PRKCE: variants seen among roughly 807,000 people sequenced by gnomAD.
The protein encoded by PRKCE is protein kinase C epsilon, also known as protein kinase C epsilon type.
PRKCE carries 16 observed loss-of-function variants against 85.4 expected under a neutral mutation model. The observed-to-expected ratio is 0.19, with a 90% CI of 0.13 to 0.28. The LOEUF is 0.28. PRKCE is among the 10% of genes least tolerant of loss of function. The pLI is 1.00. For missense variants in PRKCE, 573 were observed against 975.2 expected (o/e 0.59, Z 5.49); for synonymous variants, 388 against 371.5 (o/e 1.04, Z -0.51).
At position 45,853,687 on chromosome 2, in the gene PRKCE, A is replaced by G. The variant is rs143287244; in HGVS notation, c.412+10624A>G. The stretch of plus-strand genomic sequence containing the variant: ...TGCATGACTAAATGAAAATAACAGG[A>G]AAAACTGTCACTTCTAAAGGAAACT... On this transcript the variant is annotated intron_variant, in intron 2 of 14. Coordinates refer to ENST00000306156, the MANE Select transcript of PRKCE (RefSeq NM_005400.3). Among the ~76,000 whole-genome samples, 483 of 152,326 alleles carry G rather than the reference A, an allele frequency of 3.2e-3. 5 individuals are homozygous for G. Among genetic ancestry groups the G allele is most frequent in the African/African-American group, 0.011 (450 of 41,566 alleles).
chr2:45,833,120 C>A, intron 1 of PRKCE, among the ~76,000 whole-genome samples: 1 of 140,332 alleles, frequency 7.1e-6, no homozygotes, highest in African/African-American at 2.7e-5. Flanking sequence ...GAGTTCAAGA[C>A]CAGCCTGGGC....
chr2:45,732,347 T>C (rs1489285698), intron 1 of PRKCE, among the ~76,000 whole-genome samples: 1 of 152,200 alleles, frequency 6.6e-6, no homozygotes, highest in African/African-American at 2.4e-5. Flanking sequence ...TTGGATATGT[T>C]GAGGTTCTTC....
At chr2:45,694,064 G>T (rs145732711) in intron 1 of PRKCE, among the ~76,000 whole-genome samples, 2 of 151,658 alleles carry the variant, frequency 1.3e-5, no homozygotes, top group Admixed American at 6.6e-5. Context: ...CACAGATTTT[G>T]TGGTTATTTA....
At chr2:46,083,799 G>GT (rs944669421) in intron 10 of PRKCE, among the ~76,000 whole-genome samples, 1 of 152,204 alleles carries the variant, frequency 6.6e-6, no homozygotes, top group African/African-American at 2.4e-5. Flanking sequence ...TAATGCACAA[G>GT]TTTAAGAGTC....
intron 2 of PRKCE, among the ~76,000 whole-genome samples, chr2:45,924,722 G>A (rs769758843): frequency 5.6e-4 from 86 of 152,214 alleles, no homozygotes; most frequent in Non-Finnish European, 1.6e-4. Flanking sequence ...TACATTACTG[G>A]CCTACACAGT....
chr2:45,854,349 G>A (rs1692511343), intron 2 of PRKCE, among the ~76,000 whole-genome samples: 2 of 152,186 alleles, frequency 1.3e-5, no homozygotes, highest in Non-Finnish European at 2.9e-5. Context: ...AAAACCCAGT[G>A]TGAAACAGGT....
chr2:46,122,417 C>G (rs1409022160), intron 11 of PRKCE, among the ~76,000 whole-genome samples: 1 of 151,792 alleles, frequency 6.6e-6, no homozygotes, highest in African/African-American at 2.4e-5. Flanking sequence ...TTTTAGTAGA[C>G]GGGGTTTCGC....
intron 10 of PRKCE, among the ~76,000 whole-genome samples, chr2:46,031,714 T>A (rs1477655954): frequency 6.6e-6 from 1 of 151,776 alleles, no homozygotes; most frequent in Non-Finnish European, 1.5e-5. Flanking sequence ...TGAAAGCCAG[T>A]GTGATTACAC....
chr2:46,063,754 ATCCTTACCAGCAAC>A (rs1435715508), intron 10 of PRKCE, among the ~76,000 whole-genome samples: 1 of 152,148 alleles, frequency 6.6e-6, no homozygotes, highest in East Asian at 1.9e-4. Flanking sequence ...TGGGGTAAAA[ATCCTTACCAGCAAC>A]TCCTTACCAG....
chr2:46,036,462 T>C (rs1344178254), intron 10 of PRKCE, among the ~76,000 whole-genome samples: 2 of 152,160 alleles, frequency 1.3e-5, no homozygotes, highest in South Asian at 2.1e-4. Flanking sequence ...TGGTGGTACA[T>C]ACCTGTGGTC....
chr2:45,954,296 T>A (rs918673519), intron 2 of PRKCE, among the ~76,000 whole-genome samples: 2 of 152,090 alleles, frequency 1.3e-5, no homozygotes, highest in Non-Finnish European at 2.9e-5. Context: ...AATATTGGAG[T>A]CAAAAGAATT....
intron 1 of PRKCE, among the ~76,000 whole-genome samples, chr2:45,771,702 CGTGTGTGTGTGTGTGTGTGT>C (rs61209033): frequency 6.8e-6 from 1 of 146,814 alleles, no homozygotes; most frequent in Admixed American, 6.7e-5. Flanking sequence ...CAGAGTGGGG[CGTGTGTGTGTGTGTGTGTGT>C]GTGTGTGTGT....
chr2:46,159,883 C>A lies in PRKCE; in HGVS notation c.2067+131C>A. On this transcript the variant is annotated intron_variant, in intron 14 of 14. Coordinates refer to ENST00000306156, the MANE Select transcript of PRKCE (RefSeq NM_005400.3). This position sits in a 1 kb window ranked among gnomAD's most constrained non-coding sequence, Gnocchi z 4.1. ...TAAAAATGACAAAGACCAGAGGTGG[C>A]TGAGGCTCTCCCTAAGACAATGTCT... is the stretch of plus-strand genomic sequence containing the variant. 1 of 1,188,508 alleles carries A rather than the reference C, an allele frequency of 8.4e-7. No individual in the cohort carries two copies. The highest frequency in any genetic ancestry group is 2.7e-5 in the Admixed American group (1 of 37,626). 73.6% of individuals were successfully genotyped at this position (1,188,508 alleles called of 1,614,324 possible).
At chr2:45,767,557 A>C (rs1685007977) in intron 1 of PRKCE, among the ~76,000 whole-genome samples, 1 of 152,214 alleles carries the variant, frequency 6.6e-6, no homozygotes, top group Non-Finnish European at 1.5e-5. Context: ...TGTAATACTG[A>C]AGGCTTTACA....
rs1191651252 is a variant in PRKCE at position 46,001,959 on chromosome 2, C to G, written c.966+413C>G. On this transcript the variant is annotated intron_variant, in intron 7 of 14. Coordinates refer to ENST00000306156, the MANE Select transcript of PRKCE (RefSeq NM_005400.3). This position sits in a 1 kb window ranked among gnomAD's most constrained non-coding sequence, Gnocchi z 4.4. ...ATAAATGGGTGAAGAACTGGAACCA[C>G]ATTCTTTTCTAGGGAGGAAGCCAAG... Among the ~76,000 whole-genome samples, 1 of 152,184 alleles carries G rather than the reference C, an allele frequency of 6.6e-6. No individual in the cohort carries two copies. Among genetic ancestry groups the G allele is most frequent in the East Asian group, 1.9e-4 (1 of 5,190 alleles).
intron 1 of PRKCE, among the ~76,000 whole-genome samples, chr2:45,712,887 G>T (rs1056083115): frequency 6.6e-6 from 1 of 152,068 alleles, no homozygotes; most frequent in African/African-American, 2.4e-5. Context: ...CTTCGTATTC[G>T]CCCCATACTT....
chr2:46,030,242 A>G lies in PRKCE; in HGVS notation c.1437+19725A>G, dbSNP rs1272273343. On this transcript the variant is annotated intron_variant, in intron 10 of 14. Coordinates refer to ENST00000306156, the MANE Select transcript of PRKCE (RefSeq NM_005400.3). Reference sequence around the variant, plus strand: ...TGGAGAACCTTGCAGATATAGACACACTCAGAAAGACAGCAGACTTGTTGA... The same window carrying G: ...TGGAGAACCTTGCAGATATAGACACGCTCAGAAAGACAGCAGACTTGTTGA... 3.3e-5 allele frequency among the ~76,000 whole-genome samples: 5 copies of G among 152,238 alleles called. No homozygotes were observed. In the East Asian group the frequency reaches 7.7e-4, roughly 23 times the overall value.
At chr2:46,086,667 C>A (rs951328993) in intron 11 of PRKCE, among the ~76,000 whole-genome samples, 1 of 152,146 alleles carries the variant, frequency 6.6e-6, no homozygotes, top group Non-Finnish European at 1.5e-5. Context: ...TCTCTCTCCT[C>A]CACCCTCTTC....
rs576843281 is a variant in PRKCE at position 46,175,287 on chromosome 2, A to C, written c.2068-9448A>C. 9.8e-5 allele frequency among the ~76,000 whole-genome samples: 15 copies of C among 152,304 alleles called. No homozygotes were observed. The South Asian group carries it at 1.0e-3, about 11-fold the overall frequency. ...GTTCTAGATTTCATGTGCAGGGGAG[A>C]TAAATGCACACAGGTGGCCTAGGTG... is the stretch of plus-strand genomic sequence containing the variant. On this transcript the variant is annotated intron_variant, in intron 14 of 14. Transcript: ENST00000306156.
Sources: allele counts gnomAD v4.1 joint callset (sites outside exome capture counted in the v4.1 genomes callset), GRCh38; gene constraint gnomAD v4.1.1; non-coding constraint Gnocchi (gnomAD v3.1); transcripts MANE v1.5; gene names NCBI Gene and HGNC (gene_info 2026-07-23, HGNC 2026-07-21).